The following IL1RAPL1 variants were observed in gnomAD, a reference collection of about 807,000 sequenced individuals.
IL1RAPL1 encodes interleukin-1 receptor accessory protein-like 1.
In IL1RAPL1, 3 loss-of-function variants were observed where a neutral mutation model predicts 48.4. The ratio of observed to expected loss-of-function variants is 0.06; its 90% CI spans 0.03 to 0.16. The LOEUF (loss-of-function observed/expected upper bound fraction) is 0.16. IL1RAPL1 is among the 10% of genes least tolerant of loss of function. IL1RAPL1 has a pLI of 1.00. For missense variants in IL1RAPL1, 349 were observed against 530.6 expected (o/e 0.66, Z 3.36); for synonymous variants, 185 against 187.7 (o/e 0.99, Z 0.12).
intron 2 of IL1RAPL1, among the ~76,000 whole-genome samples, chrX:29,264,227 A>G (rs1344006813): frequency 1.8e-5 from 2 of 111,846 alleles, no homozygotes; most frequent in Non-Finnish European, 3.8e-5. Flanking sequence ...ATTCAAAAGC[A>G]TGTATTTTTT....
At chrX:29,821,931 T>C (rs1310981531) in intron 6 of IL1RAPL1, among the ~76,000 whole-genome samples, 1 of 111,993 alleles carries the variant, frequency 8.9e-6, no homozygotes, top group Non-Finnish European at 1.9e-5. Flanking sequence ...ATTTTGTACA[T>C]TTGTTGAATA....
intron 6 of IL1RAPL1, among the ~76,000 whole-genome samples, chrX:29,772,920 G>A (rs1308005531): frequency 9.0e-6 from 1 of 111,179 alleles, no homozygotes; most frequent in Non-Finnish European, 1.9e-5. Context: ...TATAATCTCA[G>A]AGTAGCTTTA....
intron 2 of IL1RAPL1, among the ~76,000 whole-genome samples, chrX:28,968,283 A>G (rs1924970364): frequency 9.0e-6 from 1 of 111,536 alleles, no homozygotes; most frequent in African/African-American, 3.3e-5. Context: ...ATTATTAGTT[A>G]GCTAATGAAG....
chrX:28,797,116 C>T (rs925651229), intron 2 of IL1RAPL1, among the ~76,000 whole-genome samples: 3 of 112,040 alleles, frequency 2.7e-5, no homozygotes, highest in Non-Finnish European at 5.6e-5. Context: ...ACATAGGGCA[C>T]CAGGTCCCTA....
chrX:28,960,912 A>G (rs1384847524), intron 2 of IL1RAPL1, among the ~76,000 whole-genome samples: 1 of 101,177 alleles, frequency 9.9e-6, no homozygotes, highest in African/African-American at 3.6e-5. Context: ...CGGGAGTCTG[A>G]GGCAGGAGAA....
At chrX:29,447,280 C>A (rs1300674767) in intron 5 of IL1RAPL1, among the ~76,000 whole-genome samples, 1 of 109,779 alleles carries the variant, frequency 9.1e-6, no homozygotes, top group African/African-American at 3.3e-5. Flanking sequence ...TATTGCAAAG[C>A]TGCCTTTCAC....
At chrX:28,849,158 G>A (rs756925791) in intron 2 of IL1RAPL1, among the ~76,000 whole-genome samples, 6 of 107,950 alleles carry the variant, frequency 5.6e-5, no homozygotes, top group Non-Finnish European at 9.5e-5. Context: ...AAAAAGCCCC[G>A]TATTCAAAGC....
At chrX:28,879,540 T>C (rs1462076305) in intron 2 of IL1RAPL1, among the ~76,000 whole-genome samples, 5 of 111,630 alleles carry the variant, frequency 4.5e-5, no homozygotes, top group Admixed American at 3.8e-4. Context: ...AAATCATACA[T>C]AAAAACTAAA....
intron 2 of IL1RAPL1, among the ~76,000 whole-genome samples, chrX:28,913,649 T>C (rs1054450096): frequency 1.1e-4 from 12 of 111,361 alleles, no homozygotes; most frequent in Non-Finnish European, 1.7e-4. Context: ...TATGATTGCA[T>C]CATTGCACTC....
rs1257120106 is a variant in IL1RAPL1 at position 29,165,639 on chromosome X, A to G, written c.83-117299A>G. 3.6e-5 allele frequency among the ~76,000 whole-genome samples: 4 copies of G among 112,099 alleles called. No homozygotes were observed. The East Asian group carries it at 1.1e-3, about 31-fold the overall frequency. Reference sequence around the variant, plus strand: ...TTGGTTAAGTTACTTTACAAAGGACATATAGCTGGTTATTGAAAAAAGTGG... The same window carrying G: ...TTGGTTAAGTTACTTTACAAAGGACGTATAGCTGGTTATTGAAAAAAGTGG... On this transcript the variant is annotated intron_variant, in intron 2 of 10. Transcript: ENST00000378993.
chrX:29,818,470 C>G (rs978222028), intron 6 of IL1RAPL1, among the ~76,000 whole-genome samples: 1 of 112,684 alleles, frequency 8.9e-6, no homozygotes, highest in Non-Finnish European at 1.9e-5. Context: ...CACAGCCTCT[C>G]TTGCAGCTTG....
intron 2 of IL1RAPL1, among the ~76,000 whole-genome samples, chrX:29,048,385 A>G (rs1343394157): frequency 3.6e-5 from 4 of 112,011 alleles, no homozygotes; most frequent in African/African-American, 1.3e-4. Flanking sequence ...TTCAATGATA[A>G]TTACTTCAAG....
At chrX:29,263,883 G>A (rs1443151404) in intron 2 of IL1RAPL1, among the ~76,000 whole-genome samples, 2 of 89,398 alleles carry the variant, frequency 2.2e-5, no homozygotes, top group South Asian at 1.3e-3. Context: ...CTCTCATAGA[G>A]CAATGTTAAA....
At chrX:29,630,991 A>G (rs1032113893) in intron 5 of IL1RAPL1, among the ~76,000 whole-genome samples, 2 of 112,274 alleles carry the variant, frequency 1.8e-5, no homozygotes, top group African/African-American at 6.5e-5. Context: ...TAAATGGCCA[A>G]TATTGAAAAT....
chrX:28,859,623 C>T (rs983888052), intron 2 of IL1RAPL1, among the ~76,000 whole-genome samples: 4 of 109,850 alleles, frequency 3.6e-5, no homozygotes, highest in African/African-American at 1.3e-4. Context: ...TCTTTGTTTA[C>T]TTAAGACGTT....
At chrX:29,154,964 A>T (rs1258319592) in intron 2 of IL1RAPL1, among the ~76,000 whole-genome samples, 1 of 110,992 alleles carries the variant, frequency 9.0e-6, no homozygotes, top group Non-Finnish European at 1.9e-5. Flanking sequence ...ACAATTACTT[A>T]GCTGGCTAGA....
chrX:29,851,106 A>G (rs1023004573), intron 6 of IL1RAPL1, among the ~76,000 whole-genome samples: 1 of 111,837 alleles, frequency 8.9e-6, no homozygotes, highest in East Asian at 2.8e-4. Context: ...AAGGTGGGGC[A>G]GTGGCATAAA....
intron 2 of IL1RAPL1, among the ~76,000 whole-genome samples, chrX:29,230,678 C>T (rs1227986682): frequency 9.1e-6 from 1 of 110,125 alleles, no homozygotes; most frequent in African/African-American, 3.3e-5. Flanking sequence ...AAGTTTCTTT[C>T]TAAAACCATG....
intron 2 of IL1RAPL1, among the ~76,000 whole-genome samples, chrX:28,896,522 T>C (rs746037490): frequency 1.8e-5 from 2 of 111,091 alleles, no homozygotes; most frequent in South Asian, 7.7e-4. Flanking sequence ...TCAGCCACCT[T>C]TTTAAGAGGA....
Sources: allele counts gnomAD v4.1 joint callset (sites outside exome capture counted in the v4.1 genomes callset), GRCh38; gene constraint gnomAD v4.1.1; transcripts MANE v1.5; gene names NCBI Gene and HGNC (gene_info 2026-07-23, HGNC 2026-07-21).